UGCG: variants seen among roughly 807,000 people sequenced by gnomAD.
The protein encoded by UGCG is ceramide glucosyltransferase.
Under a neutral mutation model 49.5 loss-of-function variants are expected in UGCG, and 10 were observed. That is an observed-to-expected ratio of 0.20 (90% CI 0.12 to 0.34). The LOEUF is 0.34. Among genes scored for constraint, UGCG ranks in the 10% least tolerant of loss-of-function variants. The probability of loss-of-function intolerance (pLI) is 1.00; values close to 1 mark genes in which losing one functional copy is unlikely to be tolerated. For synonymous variants in UGCG, 182 were observed against 158.2 expected, an observed-to-expected ratio of 1.15 and a Z score of -1.13; for missense variants, 312 against 483.7, an observed-to-expected ratio of 0.65 and a Z score of 3.33.
intron 1 of UGCG, among the ~76,000 whole-genome samples, chr9:111,912,543 A>G (rs1049829202): frequency 1.3e-5 from 2 of 151,732 alleles, no homozygotes; most frequent in Non-Finnish European, 2.9e-5. Flanking sequence ...GCACCACTGC[A>G]CTCCAGCCTG....
rs944815869 is a variant in UGCG, at chr9:111,897,079, C to A, written c.-137C>A. On this transcript the variant is annotated 5_prime_UTR_variant, in exon 1 of 9. Transcript: ENST00000374279. ...CTGCCCGCCCCTTCCGTCCCCACCC[C>A]CCTCCGCCCTTTCCTCTCCCCACCT... 12 of 553,618 alleles carry A rather than the reference C, an allele frequency of 2.2e-5. No homozygotes were observed. In the East Asian group the frequency reaches 4.3e-4, roughly 20 times the overall value. 34.3% of individuals were successfully genotyped at this position (553,618 alleles called of 1,614,324 possible).
chr9:111,916,084 C>T (rs1024292817), intron 2 of UGCG, among the ~76,000 whole-genome samples: 1 of 151,560 alleles, frequency 6.6e-6, no homozygotes, highest in East Asian at 1.9e-4. Context: ...TTTTTTCAAA[C>T]TAAAAAATGG....
At position 111,914,620 on chromosome 9, in the gene UGCG, C is replaced by T; in HGVS notation, c.114C>T (p.Asn38=). The part of the protein sequence containing the change: ...MAIIYTRLHL[N]KKATDKQPYS... ...TGCTTTTTAGCCGATTACACCTCAA[C>T]AAGAAGGCAACTGACAAACAGCCTT... Residue 38 remains asparagine (N), a synonymous_variant, in exon 2 of 9, where the codon AAC becomes AAT. Coordinates refer to ENST00000374279, the MANE Select transcript of UGCG (RefSeq NM_003358.3). The T allele has an allele frequency of 3.1e-6, 5 of 1,613,874 alleles. No individual in the cohort carries two copies. Among genetic ancestry groups the T allele is most frequent in the Non-Finnish European group, 3.4e-6 (4 of 1,179,894 alleles).
At chr9:111,900,844 G>T (rs181137542) in intron 1 of UGCG, among the ~76,000 whole-genome samples, 1 of 151,952 alleles carries the variant, frequency 6.6e-6, no homozygotes, top group African/African-American at 2.4e-5. Flanking sequence ...TTCTACAAAC[G>T]TATTTCCTTT....
chr9:111,916,942 C>A (rs1232516611), intron 2 of UGCG, among the ~76,000 whole-genome samples: 1 of 151,210 alleles, frequency 6.6e-6, no homozygotes, highest in Admixed American at 6.6e-5. Flanking sequence ...GCCAGGTGTT[C>A]AAGACCAGCC....
In UGCG at chr9:111,933,000, A is replaced by G; in HGVS notation, c.*3A>G. On this transcript the variant is annotated 3_prime_UTR_variant, in exon 9 of 9. Transcript: ENST00000374279. ...CAGAGGAAATCCTAGATGTATAACTACAGCTTTGTGACTGTATATAAAGGA... is the reference window on the plus strand; with the variant it reads ...CAGAGGAAATCCTAGATGTATAACTGCAGCTTTGTGACTGTATATAAAGGA... 3 of 1,568,974 alleles carry G rather than the reference A, an allele frequency of 1.9e-6. No individual in the cohort carries two copies. Among genetic ancestry groups the G allele is most frequent in the South Asian group, 2.5e-5 (2 of 80,828 alleles).
intron 2 of UGCG, among the ~76,000 whole-genome samples, chr9:111,920,457 C>G (rs1031396195): frequency 2.6e-5 from 4 of 151,992 alleles, no homozygotes; most frequent in Non-Finnish European, 5.9e-5. Flanking sequence ...CCTCTGCCTC[C>G]CAGGTTCAGG....
chr9:111,929,433 A>G, intron 5 of UGCG, 67 bp from the exon 6 acceptor site: 2 of 1,506,446 alleles, frequency 1.3e-6, no homozygotes, highest in South Asian at 2.6e-5. Flanking sequence ...ATTGGGAAAA[A>G]CAGTTCGTGA....
intron 1 of UGCG, among the ~76,000 whole-genome samples, chr9:111,907,496 A>T (rs993442372): frequency 6.6e-6 from 1 of 152,180 alleles, no homozygotes; most frequent in Non-Finnish European, 1.5e-5. Context: ...TCTCATTGGT[A>T]TATTTTCCTG....
chr9:111,920,189 G>A (rs538150034), intron 2 of UGCG, among the ~76,000 whole-genome samples: 184 of 152,190 alleles, frequency 1.2e-3, no homozygotes, highest in African/African-American at 4.3e-3. Context: ...ATATTGGATA[G>A]AATATATAAT....
chr9:111,912,225 A>G (rs1838023960), intron 1 of UGCG, among the ~76,000 whole-genome samples: 1 of 151,878 alleles, frequency 6.6e-6, no homozygotes, highest in African/African-American at 2.4e-5. Flanking sequence ...GGTCCTCCAG[A>G]TGAACTCTGT....
intron 1 of UGCG, 101 bp downstream of exon 1, chr9:111,897,414 C>T (rs1339128320): frequency 2.2e-6 from 2 of 906,928 alleles, no homozygotes; most frequent in Non-Finnish European, 3.3e-6. Flanking sequence ...TGGGCTCGGG[C>T]GGGGGTGGAG....
Position 111,915,152 on chromosome 9 carries a change from C to G in UGCG, c.240+406C>G, listed in dbSNP as rs137857119. On this transcript the variant is annotated intron_variant, in intron 2 of 8. Coordinates refer to ENST00000374279, the MANE Select transcript of UGCG (RefSeq NM_003358.3). ...CAGCCAGAACTAAACGTGACTTCTCCGGAGAAACTGGCTTTGAGCCAAGAA... is the reference window on the plus strand; with the variant it reads ...CAGCCAGAACTAAACGTGACTTCTCGGGAGAAACTGGCTTTGAGCCAAGAA... 4.3e-3 allele frequency among the ~76,000 whole-genome samples: 656 copies of G among 152,284 alleles called. 3 individuals carry two copies. The highest frequency in any genetic ancestry group is 7.4e-3 in the Non-Finnish European group (501 of 68,022).
At chr9:111,931,492 T>A in intron 7 of UGCG, 135 bp downstream of exon 7, 6 of 713,172 alleles carry the variant, frequency 8.4e-6, no homozygotes, top group Non-Finnish European at 1.4e-5. Context: ...GAAAATAGAG[T>A]TTAACGTCTG....
At chr9:111,907,628 C>CTTTT (rs11398860) in intron 1 of UGCG, among the ~76,000 whole-genome samples, 24 of 139,816 alleles carry the variant, frequency 1.7e-4, no homozygotes, top group African/African-American at 6.1e-4. Context: ...CATTTTCTTT[C>CTTTT]TTTTTTTTTT....
intron 1 of UGCG, among the ~76,000 whole-genome samples, chr9:111,899,331 T>A (rs7042346): frequency 1.3e-5 from 2 of 152,134 alleles, no homozygotes; most frequent in African/African-American, 2.4e-5. Context: ...CCATTTTGCC[T>A]TACAAACACT....
At chr9:111,901,595 C>T (rs1379704328) in intron 1 of UGCG, among the ~76,000 whole-genome samples, 3 of 152,080 alleles carry the variant, frequency 2.0e-5, no homozygotes, top group East Asian at 1.9e-4. Flanking sequence ...CTTAATACCT[C>T]GGTGATGGGA....
chr9:111,924,263 AAT>A (rs760905441), intron 3 of UGCG, among the ~76,000 whole-genome samples: 249 of 152,104 alleles, frequency 1.6e-3, no homozygotes, highest in African/African-American at 5.6e-3. Context: ...GATGTTTTGA[AAT>A]ATATATATAT....
intron 6 of UGCG, among the ~76,000 whole-genome samples, chr9:111,930,542 A>G (rs1838407721): frequency 6.8e-6 from 1 of 148,028 alleles, no homozygotes; most frequent in Admixed American, 6.9e-5. Context: ...ATCTCGGCTC[A>G]CTGCAGTCTC....
Sources: gnomAD v4.1 joint callset for allele counts (sites outside exome capture counted in the v4.1 genomes callset) on GRCh38, gnomAD v4.1.1 for gene constraint, MANE v1.5 for transcripts, NCBI Gene and HGNC (gene_info 2026-07-23, HGNC 2026-07-21) for gene names.